The following PDE11A variants were observed in gnomAD, a reference collection of about 807,000 sequenced individuals.
PDE11A encodes the protein phosphodiesterase 11A, also known as dual 3',5'-cyclic-AMP and -GMP phosphodiesterase 11A.
A neutral mutation model predicts 100.5 loss-of-function variants in PDE11A; 100 were observed. The ratio of observed to expected loss-of-function variants is 1.00; its 90% confidence interval spans 0.85 to 1.18. The LOEUF (loss-of-function observed/expected upper bound fraction) is 1.18. PDE11A is among the 50% of genes most tolerant of loss of function. The pLI is 0.00. For synonymous variants in PDE11A, 381 were observed against 420.8 expected (o/e 0.91, Z 1.16); for missense variants, 1,141 against 1,152.6 (o/e 0.99, Z 0.15).
chr2:178,083,001 G>C (rs2087305576), intron 2 of PDE11A, among the ~76,000 whole-genome samples: 1 of 152,096 alleles, frequency 6.6e-6, no homozygotes, highest in Non-Finnish European at 1.5e-5. Context: ...TGTTCAGTCA[G>C]TTGTAGGCCT....
At chr2:178,036,457 T>A (rs1376786142) in intron 1 of PDE11A, among the ~76,000 whole-genome samples, 1 of 152,180 alleles carries the variant, frequency 6.6e-6, no homozygotes, top group African/African-American at 2.4e-5. Flanking sequence ...CAAAGTAACG[T>A]ATAGAGCCAA....
intron 10 of PDE11A, among the ~76,000 whole-genome samples, chr2:177,731,425 G>C (rs1386603936): frequency 1.3e-5 from 2 of 152,238 alleles, no homozygotes; most frequent in East Asian, 3.9e-4. Context: ...TTACTCTTTA[G>C]CTACTCAGAA....
chr2:178,108,126 A>AT (rs2087643149), intron 1 of PDE11A: 1 of 152,258 alleles, frequency 6.6e-6, no homozygotes, highest in Non-Finnish European at 1.5e-5. Context: ...TTAAAGAGGA[A>AT]TAGGTGGGTA....
chr2:177,667,781 A>C (rs1424788419), intron 18 of PDE11A, among the ~76,000 whole-genome samples: 1 of 152,156 alleles, frequency 6.6e-6, no homozygotes, highest in African/African-American at 2.4e-5. Context: ...TGCCCGACAC[A>C]TGGAGGCACT....
At chr2:178,003,465 T>G (rs1293034456) in intron 2 of PDE11A, among the ~76,000 whole-genome samples, 1 of 152,094 alleles carries the variant, frequency 6.6e-6, no homozygotes, top group Non-Finnish European at 1.5e-5. Context: ...GATTACATAT[T>G]ATATGGCTCT....
intron 3 of PDE11A, among the ~76,000 whole-genome samples, chr2:177,899,345 T>C (rs1321582417): frequency 1.3e-5 from 2 of 152,160 alleles, no homozygotes; most frequent in African/African-American, 4.8e-5. Context: ...GAGCAGAGGT[T>C]GCAGTGAGCT....
chr2:177,719,114 T>C (rs539569416), intron 12 of PDE11A, among the ~76,000 whole-genome samples: 1 of 152,260 alleles, frequency 6.6e-6, no homozygotes, highest in South Asian at 2.1e-4. Context: ...GCTTGGTTTC[T>C]GGAGGAGGTG....
intron 5 of PDE11A, among the ~76,000 whole-genome samples, chr2:177,860,315 T>C (rs2105668036): frequency 6.6e-6 from 1 of 151,690 alleles, no homozygotes; most frequent in East Asian, 1.9e-4. Flanking sequence ...TATAAAGGAA[T>C]ATTATGAATA....
chr2:178,021,801 A>G (rs907903550), intron 1 of PDE11A, among the ~76,000 whole-genome samples: 1 of 152,194 alleles, frequency 6.6e-6, no homozygotes, highest in Non-Finnish European at 1.5e-5. Context: ...GGAGAGAAGC[A>G]TTAGGGAGAG....
chr2:177,901,133 C>G (rs1254131132), intron 3 of PDE11A, among the ~76,000 whole-genome samples: 4 of 152,180 alleles, frequency 2.6e-5, no homozygotes, highest in Non-Finnish European at 5.9e-5. Context: ...AGTCATACAG[C>G]TGACTCTTCC....
At chr2:177,685,672 G>T (rs554186061) in intron 15 of PDE11A, among the ~76,000 whole-genome samples, 2 of 152,104 alleles carry the variant, frequency 1.3e-5, no homozygotes, top group African/African-American at 4.8e-5. Context: ...GGGTTCAAGC[G>T]ATTCTCTGCC....
chr2:177,986,322 G>A lies in PDE11A; in HGVS notation c.1071+27980C>T, dbSNP rs926047800. Among the ~76,000 whole-genome samples, 7 of 152,254 alleles carry A rather than the reference G, an allele frequency of 4.6e-5. 1 individual carries two copies. Among genetic ancestry groups the A allele is most frequent in the Admixed American group, 2.0e-4 (3 of 15,302 alleles). On this transcript the variant is annotated intron_variant, in intron 2 of 19. Coordinates refer to ENST00000286063, the MANE Select transcript of PDE11A (RefSeq NM_016953.4). ...CAGGAGCCATGAAACTAGAGAAGCC[G>A]AGGACAAACAGAAGCATCTCTAGCA...
chr2:178,003,810 C>G (rs1053837358), intron 2 of PDE11A, among the ~76,000 whole-genome samples: 1 of 152,204 alleles, frequency 6.6e-6, no homozygotes, highest in African/African-American at 2.4e-5. Context: ...CCATATAAAA[C>G]TGCAGATATC....
chr2:178,040,513 T>C (rs1219046175), intron 1 of PDE11A, among the ~76,000 whole-genome samples: 1 of 152,226 alleles, frequency 6.6e-6, no homozygotes, highest in Non-Finnish European at 1.5e-5. Flanking sequence ...GAACTGAAGC[T>C]CTTGTCCTTT....
intron 9 of PDE11A, among the ~76,000 whole-genome samples, chr2:177,787,650 C>T (rs901316881): frequency 8.0e-5 from 12 of 149,584 alleles, no homozygotes; most frequent in African/African-American, 1.5e-4. Flanking sequence ...ACCCATCTCA[C>T]GTGCAGAGAC....
At chr2:177,960,822 T>C (rs138045782) in intron 2 of PDE11A, among the ~76,000 whole-genome samples, 1 of 152,282 alleles carries the variant, frequency 6.6e-6, no homozygotes, top group Non-Finnish European at 1.5e-5. Context: ...TTAATATTAG[T>C]CTAGTCTTGC....
chr2:177,997,238 C>T (rs1273750311), intron 2 of PDE11A: 12 of 1,291,100 alleles, frequency 9.3e-6, no homozygotes, highest in Non-Finnish European at 1.3e-5. Context: ...GTGCCCCAAC[C>T]TCGGCCCCCT....
At chr2:177,906,401 G>A (rs948890512) in intron 2 of PDE11A, among the ~76,000 whole-genome samples, 1 of 152,128 alleles carries the variant, frequency 6.6e-6, no homozygotes, top group African/African-American at 2.4e-5. Flanking sequence ...CAGAGGACTT[G>A]AGGTACACAA....
At chr2:177,667,828 C>A (rs768855760) in intron 18 of PDE11A, among the ~76,000 whole-genome samples, 2 of 152,168 alleles carry the variant, frequency 1.3e-5, no homozygotes, top group South Asian at 2.1e-4. Flanking sequence ...TGCTTCCAAT[C>A]CTGACCCTCT....
Sources: allele counts gnomAD v4.1 joint callset (sites outside exome capture counted in the v4.1 genomes callset), GRCh38; gene constraint gnomAD v4.1.1; transcripts MANE v1.5; gene names NCBI Gene and HGNC (gene_info 2026-07-23, HGNC 2026-07-21).